PRDM6: variants seen among roughly 807,000 people sequenced by gnomAD.
PRDM6 encodes the protein PR/SET domain 6.
A neutral mutation model predicts 60.8 loss-of-function variants in PRDM6; 25 were observed. The ratio of observed to expected loss-of-function variants is 0.41; its 90% CI spans 0.30 to 0.57. The LOEUF is 0.57. Ranked by LOEUF, PRDM6 falls within the 20% of genes least tolerant of loss-of-function variation. PRDM6 has a pLI of 0.27. For synonymous variants in PRDM6, 407 were observed against 357.4 expected (o/e 1.14, Z -1.57); for missense variants, 839 against 821.3 (o/e 1.02, Z -0.26).
Position 123,171,053 on chromosome 5 carries a change from A to G in PRDM6, c.1441A>G (p.Thr481Ala). Residue 481 changes from threonine to alanine, a missense_variant, in exon 6 of 8, where the codon ACT (threonine) becomes GCT (alanine). By Grantham distance (58) the Thr-to-Ala change is moderately conservative (BLOSUM62 0). Transcript: ENST00000407847. ...TTGGAAATGTGGGCAGTGCTTTAAGACTTTCACCCAGCGGATCCTCTTACA... is the reference window on the plus strand; with the variant it reads ...TTGGAAATGTGGGCAGTGCTTTAAGGCTTTCACCCAGCGGATCCTCTTACA... ...HLWKCGQCFK[T>A]FTQRILLQMH... 6.4e-7 allele frequency: 1 copy of G among 1,552,000 alleles called. No individual in the cohort carries two copies. Among genetic ancestry groups the G allele is most frequent in the Non-Finnish European group, 8.7e-7 (1 of 1,146,972 alleles).
intron 3 of PRDM6, among the ~76,000 whole-genome samples, chr5:123,121,433 AGTGCAGT>A (rs920929156): frequency 3.3e-5 from 5 of 151,910 alleles, no homozygotes; most frequent in Admixed American, 6.6e-5. Flanking sequence ...CCCAGACAGG[AGTGCAGT>A]GGTGCAATCA....
intron 3 of PRDM6, among the ~76,000 whole-genome samples, chr5:123,147,252 G>C (rs919106226): frequency 6.7e-6 from 1 of 149,422 alleles, no homozygotes; most frequent in Non-Finnish European, 1.5e-5. Context: ...TTTGCAGTCT[G>C]TGAAATACAT....
intron 7 of PRDM6, among the ~76,000 whole-genome samples, chr5:123,181,414 A>G (rs575816450): frequency 6.6e-6 from 1 of 152,210 alleles, no homozygotes; most frequent in Non-Finnish European, 1.5e-5. Context: ...AGATTTCTAG[A>G]CATACGGGGC....
intron 3 of PRDM6, among the ~76,000 whole-genome samples, chr5:123,142,710 A>T (rs1765132794): frequency 6.6e-6 from 1 of 152,028 alleles, no homozygotes; most frequent in South Asian, 2.1e-4. Flanking sequence ...TGGCCCACAC[A>T]CATGATTTCT....
intron 3 of PRDM6, among the ~76,000 whole-genome samples, chr5:123,143,175 GTGTA>G (rs904847715): frequency 6.7e-6 from 1 of 148,842 alleles, no homozygotes; most frequent in African/African-American, 2.5e-5. Context: ...GTGTGTGTGT[GTGTA>G]TGTGGGTGTG....
At chr5:123,136,498 A>G (rs572623532) in intron 3 of PRDM6, among the ~76,000 whole-genome samples, 2 of 152,332 alleles carry the variant, frequency 1.3e-5, no homozygotes, top group African/African-American at 4.8e-5. Context: ...ATATAAAAAG[A>G]AAAAATAACT....
chr5:123,121,402 A>G (rs1024367764), intron 3 of PRDM6, among the ~76,000 whole-genome samples: 1 of 150,306 alleles, frequency 6.7e-6, no homozygotes, highest in Non-Finnish European at 1.5e-5. Context: ...TGCTTTTTTG[A>G]GACAGGGTCT....
At chr5:123,139,381 C>T (rs1765046498) in intron 3 of PRDM6, among the ~76,000 whole-genome samples, 1 of 151,682 alleles carries the variant, frequency 6.6e-6, no homozygotes, top group African/African-American at 2.4e-5. Context: ...TGGTGGATTC[C>T]GTATTAGGCA....
At chr5:123,179,152 G>A (rs1179049568) in intron 6 of PRDM6, among the ~76,000 whole-genome samples, 1 of 152,212 alleles carries the variant, frequency 6.6e-6, no homozygotes, top group Admixed American at 6.5e-5. Context: ...AAGAACTTCT[G>A]TAGAGAAGAC....
At chr5:123,108,417 C>T (rs1267833776) in intron 3 of PRDM6, among the ~76,000 whole-genome samples, 1 of 152,012 alleles carries the variant, frequency 6.6e-6, no homozygotes, top group Non-Finnish European at 1.5e-5. Flanking sequence ...TATGAGATAT[C>T]CATGTATACT....
At chr5:123,126,829 C>T (rs1236573084) in intron 3 of PRDM6, among the ~76,000 whole-genome samples, 1 of 152,148 alleles carries the variant, frequency 6.6e-6, no homozygotes, top group Non-Finnish European at 1.5e-5. Flanking sequence ...ATCCTAGCCC[C>T]CCAGGAGTTA....
At chr5:123,110,290 T>G (rs1381691579) in intron 3 of PRDM6, among the ~76,000 whole-genome samples, 11 of 113,924 alleles carry the variant, frequency 9.7e-5, no homozygotes, top group Admixed American at 7.1e-4. Flanking sequence ...TTTTTTTTTT[T>G]GAGATGGAGT....
intron 3 of PRDM6, among the ~76,000 whole-genome samples, chr5:123,102,553 A>C (rs1764127201): frequency 6.6e-6 from 1 of 152,144 alleles, no homozygotes; most frequent in South Asian, 2.1e-4. Context: ...TTAATGACTC[A>C]TGTAATAATT....
chr5:123,097,586 GTT>G (rs1215308954), intron 2 of PRDM6, among the ~76,000 whole-genome samples: 2 of 152,046 alleles, frequency 1.3e-5, no homozygotes, highest in East Asian at 3.9e-4. Context: ...CTGTAATTGT[GTT>G]TATTGTCTTT....
At chr5:123,181,625 A>C (rs1013904569) in intron 7 of PRDM6, among the ~76,000 whole-genome samples, 2 of 152,180 alleles carry the variant, frequency 1.3e-5, no homozygotes, top group African/African-American at 4.8e-5. Flanking sequence ...TTAAAAGAGC[A>C]TAGAGTTACC....
At chr5:123,115,450 A>G (rs1459596331) in intron 3 of PRDM6, among the ~76,000 whole-genome samples, 6 of 152,220 alleles carry the variant, frequency 3.9e-5, no homozygotes, top group African/African-American at 4.8e-5. Context: ...GTGCAGATAC[A>G]CATGGGCACA....
At chr5:123,158,564 A>G (rs962390002) in intron 4 of PRDM6, among the ~76,000 whole-genome samples, 2 of 152,216 alleles carry the variant, frequency 1.3e-5, no homozygotes, top group Admixed American at 6.5e-5. Flanking sequence ...ATTGATCTTT[A>G]TGATCCTATT....
chr5:123,160,919 T>C (rs1765615151), intron 5 of PRDM6, among the ~76,000 whole-genome samples: 1 of 152,146 alleles, frequency 6.6e-6, no homozygotes, highest in Admixed American at 6.5e-5. Context: ...GAGAGGCAAA[T>C]GTAGACATAG....
Position 123,099,419 on chromosome 5 carries a change from A to G in PRDM6, c.593-235A>G, listed in dbSNP as rs1561802593. Among the ~76,000 whole-genome samples, 1 of 152,188 alleles carries G rather than the reference A, an allele frequency of 6.6e-6. No homozygotes were observed. The highest frequency in any genetic ancestry group is 1.5e-5 in the Non-Finnish European group (1 of 68,024). ...TCCGAAGGCTTTTTGGGGAGCCTAG[A>G]GTCCTGGCCCGGTACCAGGCAGATC... On this transcript the variant is annotated intron_variant, in intron 2 of 7. Transcript: ENST00000407847. The surrounding 1 kb of genome is among the most constrained non-coding windows in gnomAD (Gnocchi z 4.0).
Sources: allele counts gnomAD v4.1 joint callset (sites outside exome capture counted in the v4.1 genomes callset), GRCh38; gene constraint gnomAD v4.1.1; non-coding constraint Gnocchi (gnomAD v3.1); transcripts MANE v1.5; gene names NCBI Gene and HGNC (gene_info 2026-07-23, HGNC 2026-07-21).